The following CSMD3 variants were observed in gnomAD, a reference collection of about 807,000 sequenced individuals.
The protein encoded by CSMD3 is CUB and Sushi multiple domains 3.
Under a neutral mutation model 435.2 loss-of-function variants are expected in CSMD3, and 177 were observed. The observed-to-expected ratio is 0.41, with a 90% CI of 0.36 to 0.46. The LOEUF (loss-of-function observed/expected upper bound fraction) is 0.46, where lower values mean the gene tolerates loss of function less well. Among genes scored for constraint, CSMD3 ranks in the 20% least tolerant of loss-of-function variants. The pLI is 0.34. For synonymous variants in CSMD3, 1,656 were observed against 1,520.5 expected, an observed-to-expected ratio of 1.09 and a Z score of -2.07; for missense variants, 4,265 against 4,504.6, an observed-to-expected ratio of 0.95 and a Z score of 1.52.
chr8:112,340,107 A>C (rs774692844), intron 42 of CSMD3, among the ~76,000 whole-genome samples: 9 of 152,226 alleles, frequency 5.9e-5, no homozygotes, highest in Admixed American at 5.9e-4. Context: ...TAGGAAAAAA[A>C]CAGGTTTAGT....
chr8:113,206,583 A>G (rs2092773585), intron 3 of CSMD3, among the ~76,000 whole-genome samples: 1 of 151,928 alleles, frequency 6.6e-6, no homozygotes, highest in Non-Finnish European at 1.5e-5. Context: ...AAACCCCTCA[A>G]TCCATGTTAA....
chr8:112,527,565 A>C (rs1475218260), intron 27 of CSMD3, among the ~76,000 whole-genome samples: 1 of 152,042 alleles, frequency 6.6e-6, no homozygotes, highest in African/African-American at 2.4e-5. Context: ...ACTATCAACA[A>C]AATTGATATT....
At chr8:112,397,376 G>T (rs766177638) in intron 35 of CSMD3, among the ~76,000 whole-genome samples, 1 of 152,078 alleles carries the variant, frequency 6.6e-6, no homozygotes, top group Non-Finnish European at 1.5e-5. Context: ...TTTTAAAACG[G>T]TATAAGGTAA....
intron 32 of CSMD3, among the ~76,000 whole-genome samples, chr8:112,469,688 G>A (rs1719030701): frequency 6.6e-6 from 1 of 152,150 alleles, no homozygotes; most frequent in South Asian, 2.1e-4. Context: ...AGGAGGTGGA[G>A]CTCAGGCAGT....
intron 32 of CSMD3, among the ~76,000 whole-genome samples, chr8:112,425,986 G>A (rs1813029699): frequency 6.6e-6 from 1 of 152,056 alleles, no homozygotes; most frequent in South Asian, 2.1e-4. Flanking sequence ...AAAAATACAA[G>A]TGGTTACATA....
intron 10 of CSMD3, among the ~76,000 whole-genome samples, chr8:112,884,818 T>A (rs568691912): frequency 6.6e-6 from 1 of 151,960 alleles, no homozygotes; most frequent in Non-Finnish European, 1.5e-5. Flanking sequence ...TGGGAACTGA[T>A]CATATTAAAG....
At chr8:112,678,007 T>G (rs971197512) in intron 16 of CSMD3, among the ~76,000 whole-genome samples, 14 of 152,208 alleles carry the variant, frequency 9.2e-5, no homozygotes, top group African/African-American at 3.1e-4. Flanking sequence ...ATATAATTTT[T>G]TGTATTATTT....
chr8:112,304,525 T>C (rs764339824), intron 52 of CSMD3, among the ~76,000 whole-genome samples, 196 bp downstream of exon 52: 3 of 152,150 alleles, frequency 2.0e-5, no homozygotes, highest in Non-Finnish European at 4.4e-5. Flanking sequence ...AAAGCCCATG[T>C]TTTTCTATTT....
chr8:112,682,832 T>C (rs1256394796), intron 15 of CSMD3, among the ~76,000 whole-genome samples, 196 bp from the exon 16 acceptor site: 1 of 152,144 alleles, frequency 6.6e-6, no homozygotes, highest in Non-Finnish European at 1.5e-5. Context: ...TGATGTGCAA[T>C]AAATGTGAAT....
At chr8:113,003,239 C>T (rs983223357) in intron 6 of CSMD3, among the ~76,000 whole-genome samples, 9 of 151,418 alleles carry the variant, frequency 5.9e-5, no homozygotes, top group African/African-American at 1.9e-4. Flanking sequence ...GAGCAAAATT[C>T]TGTCTCAAAA....
intron 10 of CSMD3, among the ~76,000 whole-genome samples, chr8:112,911,566 T>C (rs2082412816): frequency 6.6e-6 from 1 of 151,660 alleles, no homozygotes; most frequent in Non-Finnish European, 1.5e-5. Context: ...TTCATCTATG[T>C]TGTCACATAT....
intron 13 of CSMD3, among the ~76,000 whole-genome samples, chr8:112,759,045 G>C (rs572966708): frequency 3.9e-4 from 60 of 152,194 alleles, no homozygotes; most frequent in African/African-American, 1.3e-3. Context: ...AAGATATATA[G>C]ATTTCTATCA....
intron 1 of CSMD3, among the ~76,000 whole-genome samples, chr8:113,395,608 CAAAAAA>C (rs34549872): frequency 9.0e-6 from 1 of 110,700 alleles, no homozygotes. Context: ...GACTCCGTCT[CAAAAAA>C]AAAAAAAAAA....
intron 50 of CSMD3, among the ~76,000 whole-genome samples, chr8:112,307,767 T>C (rs1225226221): frequency 6.6e-6 from 1 of 152,210 alleles, no homozygotes; most frequent in East Asian, 1.9e-4. Flanking sequence ...GATATCTAGC[T>C]TACACGTTTC....
chr8:112,803,481 A>G (rs952934254), intron 12 of CSMD3, among the ~76,000 whole-genome samples: 4 of 152,172 alleles, frequency 2.6e-5, no homozygotes, highest in Non-Finnish European at 4.4e-5. Context: ...CTTATCATTT[A>G]TATTTCATGT....
chr8:113,003,209 C>T (rs1035656813), intron 6 of CSMD3, among the ~76,000 whole-genome samples: 3 of 152,022 alleles, frequency 2.0e-5, no homozygotes, highest in African/African-American at 4.8e-5. Flanking sequence ...CGCACCATTG[C>T]ACTTCAGCCT....
intron 61 of CSMD3, among the ~76,000 whole-genome samples, chr8:112,261,877 A>T (rs1027537762): frequency 2.0e-5 from 3 of 151,722 alleles, no homozygotes; most frequent in Admixed American, 6.6e-5. Flanking sequence ...AGGTATTTTG[A>T]CCATTTTTCT....
At chr8:113,289,766 G>A (rs1465926617) in intron 2 of CSMD3, among the ~76,000 whole-genome samples, 1 of 151,414 alleles carries the variant, frequency 6.6e-6, no homozygotes, top group African/African-American at 2.4e-5. Flanking sequence ...ATTCATTAAG[G>A]AAAAACTGAA....
At chr8:112,393,423 T>C (rs1178593092) in intron 35 of CSMD3, among the ~76,000 whole-genome samples, 1 of 152,184 alleles carries the variant, frequency 6.6e-6, no homozygotes, top group East Asian at 1.9e-4. Flanking sequence ...TTTCCCTGTG[T>C]TAAGTGTCCT....
Sources: allele counts gnomAD v4.1 joint callset (sites outside exome capture counted in the v4.1 genomes callset), GRCh38; gene constraint gnomAD v4.1.1; transcripts MANE v1.5; gene names NCBI Gene and HGNC (gene_info 2026-07-23, HGNC 2026-07-21).